Variants in PINK1 observed in about 807,000 individuals in gnomAD.
PINK1 encodes the protein PTEN induced kinase 1, also known as serine/threonine-protein kinase PINK1, mitochondrial.
Under a neutral mutation model 56.0 loss-of-function variants are expected in PINK1, and 58 were observed. The observed-to-expected ratio is 1.04, with a 90% CI of 0.84 to 1.29. The LOEUF (loss-of-function observed/expected upper bound fraction) is 1.29, where lower values mean the gene tolerates loss of function less well. Ranked by LOEUF, PINK1 falls within the 50% of genes most tolerant of loss-of-function variation. The pLI is 0.00. For synonymous variants in PINK1, 354 were observed against 339.3 expected (o/e 1.04, Z -0.48); for missense variants, 745 against 777.9 (o/e 0.96, Z 0.50).
At chr1:20,638,245 A>G in intron 2 of PINK1, 116 bp downstream of exon 2, 1 of 1,264,296 alleles carries the variant, frequency 7.9e-7, no homozygotes, top group South Asian at 1.3e-5. Context: ...TCCACAGGAA[A>G]GGTGCCTGTA....
At chr1:20,640,719 G>A (rs1008704269) in intron 3 of PINK1, among the ~76,000 whole-genome samples, 6 of 152,104 alleles carry the variant, frequency 3.9e-5, no homozygotes, top group Admixed American at 3.3e-4. Flanking sequence ...GGACTGACGC[G>A]CAGGCTATGA....
At chr1:20,637,188 G>A (rs1011158438) in intron 1 of PINK1, among the ~76,000 whole-genome samples, 6 of 152,224 alleles carry the variant, frequency 3.9e-5, no homozygotes, top group African/African-American at 1.4e-4. Flanking sequence ...GAAGAGTGAC[G>A]TCACCGCTGC....
At chr1:20,636,683 G>A (rs1216881160) in intron 1 of PINK1, among the ~76,000 whole-genome samples, 1 of 152,166 alleles carries the variant, frequency 6.6e-6, no homozygotes, top group East Asian at 1.9e-4. Flanking sequence ...TATAGTGCAA[G>A]GTTAAGTTGC....
At chr1:20,643,789 C>T (rs2053142468) in intron 3 of PINK1, among the ~76,000 whole-genome samples, 1 of 152,160 alleles carries the variant, frequency 6.6e-6, no homozygotes. Context: ...CTGCATTCCC[C>T]TTGCACCCTG....
rs751020216 is a variant in PINK1 at position 20,633,874 on chromosome 1, G to A, written c.326G>A (p.Gly109Asp). 6.3e-7 allele frequency: 1 copy of A among 1,580,600 alleles called. No individual in the cohort carries two copies. Among genetic ancestry groups the A allele is most frequent in the South Asian group, 1.2e-5 (1 of 86,730 alleles). The change falls in exon 1 of 8, where the codon GGC (glycine) becomes GAC (aspartate). Residue 109 changes from glycine (G) to aspartate (D), a missense_variant. Coordinates refer to ENST00000321556, the MANE Select transcript of PINK1 (RefSeq NM_032409.3). The stretch of plus-strand genomic sequence containing the variant: ...TTTCTGGCCTTCGGGCTAGGGCTGG[G>A]CCTCATCGAGGAAAAACAGGCGGAG... ...AVFLAFGLGL[G>D]LIEEKQAESR... is the part of the protein sequence containing the mutation.
chr1:20,637,533 G>A (rs2053068453), intron 1 of PINK1, among the ~76,000 whole-genome samples: 1 of 152,208 alleles, frequency 6.6e-6, no homozygotes, highest in Non-Finnish European at 1.5e-5. Flanking sequence ...CCAGAACTCT[G>A]CTGGAGAGTG....
At chr1:20,647,126 G>C (rs997167581) in intron 5 of PINK1, among the ~76,000 whole-genome samples, 3 of 143,254 alleles carry the variant, frequency 2.1e-5, no homozygotes, top group East Asian at 2.1e-4. Flanking sequence ...GCATGATCTC[G>C]GCTCACTGCA....
At chr1:20,643,178 GT>G (rs2053135301) in intron 3 of PINK1, 1 of 152,122 alleles carries the variant, frequency 6.6e-6, no homozygotes, top group Admixed American at 6.5e-5. Flanking sequence ...CCTTCCCTTC[GT>G]CCAACCATCT....
chr1:20,649,354 C>T, intron 7 of PINK1, 123 bp downstream of exon 7: 1 of 1,056,798 alleles, frequency 9.5e-7, no homozygotes, highest in Non-Finnish European at 1.4e-6. Context: ...AAGGTAAAGG[C>T]TAGTTACAAG....
In PINK1 at chr1:20,633,649, C is replaced by T. The variant is rs1006830855; in HGVS notation, c.101C>T (p.Pro34Leu). The change falls in exon 1 of 8, where the codon CCG (proline) becomes CTG (leucine). Residue 34 changes from proline (P) to leucine (L), a missense_variant. Physicochemically the swap from Pro to Leu is moderately conservative, Grantham distance 98 (BLOSUM62 -3). Transcript: ENST00000321556. Reference sequence around the variant, plus strand: ...GGCCGGGCCTACGGCTTGGGGCGGCCGGGCCCGGCGGCGGGCTGTGTCCGC... The same window carrying T: ...GGCCGGGCCTACGGCTTGGGGCGGCTGGGCCCGGCGGCGGGCTGTGTCCGC... ...KPGRAYGLGR[P>L]GPAAGCVRGE... 1 of 1,331,546 alleles carries T rather than the reference C, an allele frequency of 7.5e-7. No homozygotes were observed. The highest frequency in any genetic ancestry group is 9.5e-7 in the Non-Finnish European group (1 of 1,050,362). 82.5% of individuals were successfully genotyped at this position (1,331,546 alleles called of 1,614,324 possible).
intron 5 of PINK1, among the ~76,000 whole-genome samples, chr1:20,647,746 G>A (rs2053203871): frequency 6.6e-6 from 1 of 152,172 alleles, no homozygotes. Context: ...TGGGATTACA[G>A]GCGTGAGCCA....
In PINK1 at chr1:20,633,487, G is replaced by C; in HGVS notation, c.-62G>C. On this transcript the variant is annotated 5_prime_UTR_variant, in exon 1 of 8. Transcript: ENST00000321556. ...GCACCGCCCCAAGTTTGTTGTGACC[G>C]GCGGGGGACGCCGGTGGTGGCGGCA... is the stretch of plus-strand genomic sequence containing the variant. 2 of 1,091,788 alleles carry C rather than the reference G, an allele frequency of 1.8e-6. No homozygotes were observed. The highest frequency in any genetic ancestry group is 2.2e-6 in the Non-Finnish European group (2 of 898,540). 67.6% of individuals were successfully genotyped at this position (1,091,788 alleles called of 1,614,324 possible).
intron 4 of PINK1, 53 bp downstream of exon 4, chr1:20,644,725 G>C: frequency 6.3e-7 from 1 of 1,597,366 alleles, no homozygotes; most frequent in South Asian, 1.1e-5. Flanking sequence ...CCCAAGGGGA[G>C]CTGGTTCCTG....
rs1391807709 is a variant in PINK1, at chr1:20,645,623, GA to G, written c.1024del (p.Met342CysfsTer22). ...NTPSPRLAAM[M>X]LLQLLEGVDH... ...CACCCAGCCCCCGCCTCGCCGCCAT[GA>G]TGCTGCTGCAGCTGCTGGAAGGCGT... On this transcript the variant is annotated frameshift_variant, in exon 5 of 8. Transcript: ENST00000321556. LOFTEE classifies it high-confidence loss of function. 2 of 1,614,116 alleles carry G rather than the reference GA, an allele frequency of 1.2e-6. No individual in the cohort carries two copies. Among genetic ancestry groups the G allele is most frequent in the African/African-American group, 2.7e-5 (2 of 75,030 alleles).
rs2053115280 is a variant in PINK1, at chr1:20,641,489, G to A, written c.776+1497G>A. 1.3e-5 allele frequency among the ~76,000 whole-genome samples: 2 copies of A among 152,194 alleles called. No individual in the cohort carries two copies. The highest frequency in any genetic ancestry group is 2.1e-4 in the South Asian group (1 of 4,812). ...CTCACTGTCTGGCCTCAAATAACAC[G>A]TCTTTTTCTGTTGGTTCCTTTTTGC... On this transcript the variant is annotated intron_variant, in intron 3 of 7. Coordinates refer to ENST00000321556, the MANE Select transcript of PINK1 (RefSeq NM_032409.3). This position sits in a 1 kb window ranked among gnomAD's most constrained non-coding sequence, Gnocchi z 4.0.
At chr1:20,645,426 T>C in intron 4 of PINK1, 134 bp from the exon 5 acceptor site, 4 of 1,017,904 alleles carry the variant, frequency 3.9e-6, no homozygotes, top group Non-Finnish European at 5.9e-6. Flanking sequence ...AAGGTGGAGG[T>C]TGCAGTGAGC....
chr1:20,642,448 A>G (rs1320254083), intron 3 of PINK1, among the ~76,000 whole-genome samples: 1 of 152,206 alleles, frequency 6.6e-6, no homozygotes, highest in Non-Finnish European at 1.5e-5. Context: ...GTCCTTGGAC[A>G]TGCACAGTTA....
chr1:20,634,944 C>T (rs752426940), intron 1 of PINK1, among the ~76,000 whole-genome samples: 1 of 152,160 alleles, frequency 6.6e-6, no homozygotes, highest in Non-Finnish European at 1.5e-5. Context: ...TGCTCATCAC[C>T]ACTGTCTCAT....
Position 20,651,201 on chromosome 1 carries a change from G to C in PINK1, c.*510G>C, listed in dbSNP as rs886045850. 2 of 181,734 alleles carry C rather than the reference G, an allele frequency of 1.1e-5. No homozygotes were observed. The highest frequency in any genetic ancestry group is 4.7e-5 in the African/African-American group (2 of 42,560). The allele number at this position is 181,734 out of a possible 1,614,324, so 11.3% of individuals were successfully genotyped here. On this transcript the variant is annotated 3_prime_UTR_variant, in exon 8 of 8. Transcript: ENST00000321556. ...TACTGAATTATTAATCTCACTTAGC[G>C]AAAGTGACGGATGAGCAGTAAGTAA... is the stretch of plus-strand genomic sequence containing the variant.
Sources: allele counts gnomAD v4.1 joint callset (sites outside exome capture counted in the v4.1 genomes callset), GRCh38; gene constraint gnomAD v4.1.1; non-coding constraint Gnocchi (gnomAD v3.1); transcripts MANE v1.5; gene names NCBI Gene and HGNC (gene_info 2026-07-23, HGNC 2026-07-21).